Variants in SGIP1 observed in about 807,000 individuals in gnomAD.
The protein encoded by SGIP1 is SH3GL interacting endocytic adaptor 1.
A neutral mutation model predicts 107.5 loss-of-function variants in SGIP1; 38 were observed. That is an observed-to-expected ratio of 0.35 (90% CI 0.27 to 0.46). The LOEUF is 0.46. Ranked by LOEUF, SGIP1 falls within the 20% of genes least tolerant of loss-of-function variation. The probability of loss-of-function intolerance (pLI) is 1.00; values close to 1 mark genes in which losing one functional copy is unlikely to be tolerated. For missense variants in SGIP1, 929 were observed against 1,019.5 expected (o/e 0.91, Z 1.21); for synonymous variants, 365 against 366.1 (o/e 1.00, Z 0.03).
chr1:66,638,681 T>C (rs1029736919), intron 4 of SGIP1, among the ~76,000 whole-genome samples: 1 of 152,220 alleles, frequency 6.6e-6, no homozygotes, highest in African/African-American at 2.4e-5. Context: ...TTCACTGTTA[T>C]TCAATGATAA....
chr1:66,653,547 C>T (rs1406154961), intron 7 of SGIP1, among the ~76,000 whole-genome samples: 5 of 152,136 alleles, frequency 3.3e-5, no homozygotes, highest in East Asian at 3.9e-4. Context: ...AAACACAATT[C>T]CTACATCATT....
upstream of SGIP1, chr1:66,533,592 G>C (rs966671089): frequency 3.9e-5 from 6 of 152,064 alleles, no homozygotes; most frequent in Non-Finnish European, 7.3e-5. Context: ...GGATGGGAGG[G>C]GAGAAAGAGA....
intron 19 of SGIP1, 126 bp downstream of exon 19, chr1:66,719,531 T>C (rs2093418824): frequency 3.7e-6 from 2 of 534,288 alleles, no homozygotes; most frequent in Non-Finnish European, 3.3e-6. Context: ...CAATAGTAGA[T>C]GGCACAGCTA....
chr1:66,573,732 A>G (rs925680180), intron 1 of SGIP1, among the ~76,000 whole-genome samples: 1 of 152,124 alleles, frequency 6.6e-6, no homozygotes, highest in Non-Finnish European at 1.5e-5. Context: ...GCAGAGGGGA[A>G]CAACATGCAC....
rs1323527059 is a variant in SGIP1 at position 66,534,204 on chromosome 1, C to G, written c.-155C>G. ...GAAGAAGCACCAGCAGCATCCATGG[C>G]CTGTCTTTTGGCTTAACACTTATCT... On this transcript the variant is annotated 5_prime_UTR_variant, in exon 1 of 25. Coordinates refer to ENST00000371037, the MANE Select transcript of SGIP1 (RefSeq NM_032291.4). The G allele has an allele frequency of 1.7e-5, 12 of 723,638 alleles. No homozygotes were observed. The highest frequency in any genetic ancestry group is 2.9e-5 in the Non-Finnish European group (12 of 409,546). The allele number at this position is 723,638 out of a possible 1,614,324, so 44.8% of individuals were successfully genotyped here.
chr1:66,550,466 C>G (rs1203645374), intron 1 of SGIP1, among the ~76,000 whole-genome samples: 1 of 152,050 alleles, frequency 6.6e-6, no homozygotes, highest in Non-Finnish European at 1.5e-5. Context: ...TGCCCCAGAA[C>G]AGCCCTAGAT....
At chr1:66,565,772 C>T (rs2059556810) in intron 1 of SGIP1, among the ~76,000 whole-genome samples, 1 of 151,988 alleles carries the variant, frequency 6.6e-6, no homozygotes, top group African/African-American at 2.4e-5. Context: ...TTGTTCACCT[C>T]CCTGTGCTAG....
intron 2 of SGIP1, among the ~76,000 whole-genome samples, chr1:66,630,205 C>G (rs1558130191): frequency 6.6e-6 from 1 of 152,120 alleles, no homozygotes; most frequent in Non-Finnish European, 1.5e-5. Flanking sequence ...TGTGGAAGAC[C>G]ATCCCAACGG....
At chr1:66,666,789 A>G (rs2082652156) in intron 8 of SGIP1, 1 of 152,216 alleles carries the variant, frequency 6.6e-6, no homozygotes, top group Non-Finnish European at 1.5e-5. Context: ...TTATTTGTGT[A>G]TAGGAATGCT....
At chr1:66,655,070 T>A (rs184555470) in intron 7 of SGIP1, among the ~76,000 whole-genome samples, 1 of 152,278 alleles carries the variant, frequency 6.6e-6, no homozygotes, top group Non-Finnish European at 1.5e-5. Flanking sequence ...CTGATATTTT[T>A]TCATCCATGC....
rs546372831 is a variant in SGIP1, at chr1:66,748,443, C to A, written c.*5348C>A. On this transcript the variant is annotated 3_prime_UTR_variant, in exon 25 of 25. Transcript: ENST00000371037. ...GTCTGTTGAGTTGACCATGGTGAAC[C>A]TCTTGATTGGCCCTCACATTTAATA... The A allele has an allele frequency of 1.3e-5, 2 of 151,884 alleles. No homozygotes were observed. Among genetic ancestry groups the A allele is most frequent in the Admixed American group, 6.6e-5 (1 of 15,244 alleles). 9.4% of individuals were successfully genotyped at this position (151,884 alleles called of 1,614,324 possible).
chr1:66,731,283 G>T (rs1011070189), intron 20 of SGIP1, among the ~76,000 whole-genome samples: 11 of 152,032 alleles, frequency 7.2e-5, no homozygotes, highest in Non-Finnish European at 1.5e-4. Flanking sequence ...ATTTTTCAAG[G>T]TTCCTCCATC....
chr1:66,695,271 A>AAAT, intron 17 of SGIP1, 163 bp from the exon 18 acceptor site: 2 of 1,325,972 alleles, frequency 1.5e-6, no homozygotes, highest in Non-Finnish European at 2.0e-6. Context: ...AAAAAAAAAA[A>AAAT]GTGTAGATTG....
chr1:66,600,645 T>C (rs1184432535), intron 1 of SGIP1, among the ~76,000 whole-genome samples: 1 of 152,094 alleles, frequency 6.6e-6, no homozygotes, highest in Non-Finnish European at 1.5e-5. Flanking sequence ...TTAGAAAGGA[T>C]GCAAGTGGTT....
At chr1:66,652,361 C>T (rs2078921222) in intron 7 of SGIP1, among the ~76,000 whole-genome samples, 1 of 152,094 alleles carries the variant, frequency 6.6e-6, no homozygotes. Context: ...AGGACTTGAG[C>T]AAACTCACAA....
intron 24 of SGIP1, among the ~76,000 whole-genome samples, chr1:66,742,299 G>A (rs965808754): frequency 6.6e-6 from 1 of 151,784 alleles, no homozygotes; most frequent in African/African-American, 2.4e-5. Context: ...TTCAATTGGG[G>A]GAGAGGAACT....
intron 1 of SGIP1, among the ~76,000 whole-genome samples, chr1:66,551,997 T>G (rs2057485822): frequency 6.6e-6 from 1 of 152,088 alleles, no homozygotes; most frequent in Non-Finnish European, 1.5e-5. Flanking sequence ...TCACCATACC[T>G]CTATGAGGAG....
At position 66,750,037 on chromosome 1, in the gene SGIP1, GTGTGTGTGTGT is replaced by G. The variant is rs1325877991; in HGVS notation, c.*6943_*6953del. Among the ~76,000 whole-genome samples, 2 of 80,592 alleles carry G rather than the reference GTGTGTGTGTGT, an allele frequency of 2.5e-5. No homozygotes were observed. The highest frequency in any genetic ancestry group is 4.5e-5 in the African/African-American group (1 of 22,324). The allele number at this position is 80,592 out of a possible 152,430, so 52.9% of individuals were successfully genotyped here. A position where few individuals can be genotyped will look rare whatever the true frequency, so the allele number is the denominator to read the frequency against. On this transcript the variant is annotated 3_prime_UTR_variant, in exon 25 of 25. Transcript: ENST00000371037. ...TCTCTTTCTCTGTGTGTGTGTGGGGGTGTGTGTGTGTGTGTGTGTGTGTGTGTGTGTCTCTT... is the reference window on the plus strand; with the variant it reads ...TCTCTTTCTCTGTGTGTGTGTGGGGGGTGTGTGTGTGTGTGTGTGTCTCTT...
intron 4 of SGIP1, among the ~76,000 whole-genome samples, chr1:66,637,607 C>T (rs529686103): frequency 6.6e-6 from 1 of 151,804 alleles, no homozygotes; most frequent in African/African-American, 2.4e-5. Flanking sequence ...TTCCCTTTAT[C>T]TCAATCTTCC....
Sources: gnomAD v4.1 joint callset for allele counts (sites outside exome capture counted in the v4.1 genomes callset) on GRCh38, gnomAD v4.1.1 for gene constraint, MANE v1.5 for transcripts, NCBI Gene and HGNC (gene_info 2026-07-23, HGNC 2026-07-21) for gene names.